Variants in KCNH7 observed in about 807,000 individuals in gnomAD.
KCNH7 encodes the protein potassium voltage-gated channel subfamily H member 7.
KCNH7 carries 49 observed loss-of-function variants against 120.8 expected under a neutral mutation model. The observed-to-expected ratio is 0.41, with a 90% CI of 0.32 to 0.51. KCNH7 has a LOEUF of 0.51. Among genes scored for constraint, KCNH7 ranks in the 20% least tolerant of loss-of-function variants. KCNH7 has a pLI of 0.38. For synonymous variants in KCNH7, 547 were observed against 516.1 expected, an observed-to-expected ratio of 1.06 and a Z score of -0.81; for missense variants, 1,097 against 1,446.6, an observed-to-expected ratio of 0.76 and a Z score of 3.92.
At chr2:162,799,163 T>C (rs1684253444) in intron 2 of KCNH7, among the ~76,000 whole-genome samples, 1 of 152,018 alleles carries the variant, frequency 6.6e-6, no homozygotes, top group Admixed American at 6.6e-5. Flanking sequence ...TTGCTTCCCT[T>C]GAGAAACAAG....
At chr2:162,577,339 T>TC (rs1309928417) in intron 2 of KCNH7, among the ~76,000 whole-genome samples, 38 of 127,344 alleles carry the variant, frequency 3.0e-4, no homozygotes, top group African/African-American at 1.1e-3. Context: ...CTGTCTATCA[T>TC]CTATCCATCC....
chr2:162,461,932 G>A (rs1358490268), intron 6 of KCNH7, among the ~76,000 whole-genome samples: 1 of 152,152 alleles, frequency 6.6e-6, no homozygotes, highest in Admixed American at 6.5e-5. Flanking sequence ...TTCCCTGCAA[G>A]TGATGAAATG....
chr2:162,817,904 C>T (rs1176049269), intron 2 of KCNH7, among the ~76,000 whole-genome samples: 1 of 151,954 alleles, frequency 6.6e-6, no homozygotes, highest in Non-Finnish European at 1.5e-5. Flanking sequence ...ATTGTAGACA[C>T]ACACATATAT....
intron 2 of KCNH7, among the ~76,000 whole-genome samples, chr2:162,806,801 T>TTTTGTG (rs1181675089): frequency 2.0e-5 from 3 of 152,164 alleles, no homozygotes; most frequent in Non-Finnish European, 2.9e-5. Flanking sequence ...AGTAGTGATT[T>TTTTGTG]TTTGTTTTTG....
intron 2 of KCNH7, among the ~76,000 whole-genome samples, chr2:162,580,448 A>G (rs1325507158): frequency 6.6e-6 from 1 of 152,090 alleles, no homozygotes; most frequent in African/African-American, 2.4e-5. Flanking sequence ...GAATATGAAC[A>G]GGGGAGGCTT....
At chr2:162,415,638 C>T (rs1573931191) in intron 9 of KCNH7, among the ~76,000 whole-genome samples, 1 of 151,844 alleles carries the variant, frequency 6.6e-6, no homozygotes, top group South Asian at 2.1e-4. Context: ...TTAAGAATTG[C>T]CAATATAAAA....
intron 2 of KCNH7, among the ~76,000 whole-genome samples, chr2:162,810,658 C>T (rs1282107608): frequency 6.6e-6 from 1 of 152,138 alleles, no homozygotes; most frequent in African/African-American, 2.4e-5. Context: ...GAAAGTACCC[C>T]TCTTGGGAGA....
At chr2:162,526,468 C>T (rs1691708523) in intron 3 of KCNH7, among the ~76,000 whole-genome samples, 2 of 150,910 alleles carry the variant, frequency 1.3e-5, no homozygotes, top group South Asian at 2.1e-4. Flanking sequence ...CCTACAGCTT[C>T]GACCATAAAA....
chr2:162,442,318 G>A lies in KCNH7; in HGVS notation c.1554+3700C>T, dbSNP rs117908602. 3.3e-5 allele frequency among the ~76,000 whole-genome samples: 5 copies of A among 151,764 alleles called. No homozygotes were observed. The South Asian group carries it at 8.3e-4, about 25-fold the overall frequency. ...TGGGATTACAGGCGTGAGCCACTGCGCCCGGCCGTGACATGTCTTCTTTAG... is the reference window on the plus strand; with the variant it reads ...TGGGATTACAGGCGTGAGCCACTGCACCCGGCCGTGACATGTCTTCTTTAG... On this transcript the variant is annotated intron_variant, in intron 7 of 15. Transcript: ENST00000332142.
At chr2:162,382,639 T>C (rs1056474129) in intron 13 of KCNH7, among the ~76,000 whole-genome samples, 1 of 152,060 alleles carries the variant, frequency 6.6e-6, no homozygotes, top group Non-Finnish European at 1.5e-5. Flanking sequence ...TCTGTTGGAT[T>C]CAGCATCACA....
chr2:162,476,427 A>G (rs1689749057), intron 6 of KCNH7, among the ~76,000 whole-genome samples: 1 of 152,216 alleles, frequency 6.6e-6, no homozygotes, highest in Non-Finnish European at 1.5e-5. Flanking sequence ...TGAAACTATC[A>G]TTTAACTTCT....
intron 2 of KCNH7, among the ~76,000 whole-genome samples, chr2:162,548,772 G>A (rs1692565840): frequency 6.6e-6 from 1 of 152,178 alleles, no homozygotes; most frequent in Non-Finnish European, 1.5e-5. Flanking sequence ...ATTTCCCTAT[G>A]TGTAAAATGG....
At chr2:162,513,381 CCT>C (rs1691166666) in intron 4 of KCNH7, among the ~76,000 whole-genome samples, 1 of 143,840 alleles carries the variant, frequency 7.0e-6, no homozygotes, top group African/African-American at 2.6e-5. Flanking sequence ...TTCCTTCCTT[CCT>C]TCTCTCCTTC....
intron 12 of KCNH7, among the ~76,000 whole-genome samples, chr2:162,386,141 C>T (rs773562340): frequency 5.3e-5 from 8 of 151,932 alleles, no homozygotes; most frequent in African/African-American, 1.7e-4. Context: ...TGGACCTTTC[C>T]GATCTCCAAC....
intron 2 of KCNH7, among the ~76,000 whole-genome samples, chr2:162,720,644 G>C (rs1457533906): frequency 6.6e-6 from 1 of 152,020 alleles, no homozygotes; most frequent in Non-Finnish European, 1.5e-5. Context: ...TAATTCTTCA[G>C]TTGAATTTTG....
intron 2 of KCNH7, among the ~76,000 whole-genome samples, chr2:162,821,844 G>A (rs1454801061): frequency 6.6e-6 from 1 of 151,910 alleles, no homozygotes; most frequent in Admixed American, 6.6e-5. Context: ...CTGGGGAGTG[G>A]AGGGTTGGAC....
intron 2 of KCNH7, among the ~76,000 whole-genome samples, chr2:162,683,176 T>C (rs1685773487): frequency 6.6e-6 from 1 of 151,896 alleles, no homozygotes; most frequent in Admixed American, 6.6e-5. Context: ...TCTATTTATT[T>C]GCTTAGAGAC....
chr2:162,748,757 A>C (rs1196968808), intron 2 of KCNH7, among the ~76,000 whole-genome samples: 1 of 152,062 alleles, frequency 6.6e-6, no homozygotes. Flanking sequence ...AACAAAGGAG[A>C]TATGAAACTA....
intron 6 of KCNH7, among the ~76,000 whole-genome samples, chr2:162,456,462 C>T (rs1011726550): frequency 2.0e-5 from 3 of 152,008 alleles, no homozygotes; most frequent in Non-Finnish European, 2.9e-5. Context: ...TCATGTGGCA[C>T]TGAGAAGAAT....
Sources: gnomAD v4.1 joint callset for allele counts (sites outside exome capture counted in the v4.1 genomes callset) on GRCh38, gnomAD v4.1.1 for gene constraint, MANE v1.5 for transcripts, NCBI Gene and HGNC (gene_info 2026-07-23, HGNC 2026-07-21) for gene names.